TRA2B: variants seen among roughly 807,000 people sequenced by gnomAD.
The protein encoded by TRA2B is transformer-2 protein homolog beta.
A neutral mutation model predicts 41.7 loss-of-function variants in TRA2B; 14 were observed. That is an observed-to-expected ratio of 0.34 (90% CI 0.22 to 0.53). The LOEUF is 0.53. TRA2B is among the 20% of genes least tolerant of loss of function. TRA2B has a pLI of 0.95. For missense variants in TRA2B, 167 were observed against 396.8 expected, an observed-to-expected ratio of 0.42 and a Z score of 4.92; for synonymous variants, 130 against 128.8, an observed-to-expected ratio of 1.01 and a Z score of -0.06.
At chr3:185,917,823 T>C (rs1743558231) in intron 8 of TRA2B, 98 bp from the exon 9 acceptor site, 5 of 1,339,720 alleles carry the variant, frequency 3.7e-6, no homozygotes, top group Non-Finnish European at 5.3e-6. Context: ...CATTAAGAAA[T>C]TCCTATGTGC....
intron 1 of TRA2B, among the ~76,000 whole-genome samples, chr3:185,932,991 ATTGT>A (rs1442554687): frequency 2.6e-5 from 4 of 152,296 alleles, no homozygotes; most frequent in Non-Finnish European, 4.4e-5. Context: ...AGAGTCAATT[ATTGT>A]TTATTTAATC....
At position 185,915,184 on chromosome 3, in the gene TRA2B, C is replaced by T. The variant is rs1743459541; in HGVS notation, c.*2531G>A. ...AACCCCTGCTCCCAGGTCTACAAATCTTTTGACACAGCCTTATTTCCACTT... is the reference window on the plus strand; with the variant it reads ...AACCCCTGCTCCCAGGTCTACAAATTTTTTGACACAGCCTTATTTCCACTT... On this transcript the variant is annotated 3_prime_UTR_variant, in exon 9 of 9. Coordinates refer to ENST00000453386, the MANE Select transcript of TRA2B (RefSeq NM_004593.3). Among the ~76,000 whole-genome samples, 1 of 152,156 alleles carries T rather than the reference C, an allele frequency of 6.6e-6. No homozygotes were observed. Among genetic ancestry groups the T allele is most frequent in the Non-Finnish European group, 1.5e-5 (1 of 68,016 alleles).
chr3:185,918,899 G>A (rs947604676), intron 7 of TRA2B, among the ~76,000 whole-genome samples: 2 of 151,874 alleles, frequency 1.3e-5, no homozygotes, highest in African/African-American at 2.4e-5. Context: ...CCAGCTACTC[G>A]GGATGCAGAG....
Position 185,937,896 on chromosome 3 carries a change from A to G in TRA2B, c.-36T>C, listed in dbSNP as rs772674412. ...TGCTGTCGCCGGTCGATGTGCTTCA[A>G]TCGAAGCTGCCAACCTCTTGCACCT... is the stretch of plus-strand genomic sequence containing the variant. On this transcript the variant is annotated 5_prime_UTR_variant, in exon 1 of 9. Transcript: ENST00000453386. The G allele has an allele frequency of 6.2e-7, 1 of 1,613,164 alleles. No individual in the cohort carries two copies. Among genetic ancestry groups the G allele is most frequent in the South Asian group, 1.1e-5 (1 of 91,078 alleles).
chr3:185,917,896 T>C (rs539117570), intron 8 of TRA2B, among the ~76,000 whole-genome samples, 171 bp from the exon 9 acceptor site: 8 of 152,252 alleles, frequency 5.3e-5, no homozygotes, highest in Non-Finnish European at 7.4e-5. Flanking sequence ...AGAAATGAGA[T>C]AGCAATCTTA....
intron 1 of TRA2B, chr3:185,936,375 A>C: frequency 1.0e-6 from 1 of 985,342 alleles, no homozygotes; most frequent in Non-Finnish European, 1.2e-6. Context: ...AATCTAAAAC[A>C]CTCGTGACAT....
intron 1 of TRA2B, among the ~76,000 whole-genome samples, chr3:185,933,872 T>A (rs993129495): frequency 2.0e-5 from 3 of 152,132 alleles, no homozygotes; most frequent in Non-Finnish European, 4.4e-5. Flanking sequence ...TTTTGACTTT[T>A]CAGAAGACTA....
chr3:185,917,579 A>T lies in TRA2B; in HGVS notation c.*136T>A. 1.3e-6 allele frequency: 1 copy of T among 784,230 alleles called. No homozygotes were observed. Among genetic ancestry groups the T allele is most frequent in the Non-Finnish European group, 2.0e-6 (1 of 491,016 alleles). The allele number at this position is 784,230 out of a possible 1,614,324, so 48.6% of individuals were successfully genotyped here. Reference sequence around the variant, plus strand: ...GAAAACAGCATTTCAACTCCACCAAAAGTAGTCATCGTAAAAGGTGTAAAA... The same window carrying T: ...GAAAACAGCATTTCAACTCCACCAATAGTAGTCATCGTAAAAGGTGTAAAA... On this transcript the variant is annotated 3_prime_UTR_variant, in exon 9 of 9. Transcript: ENST00000453386.
chr3:185,929,865 T>C (rs1238337100), intron 1 of TRA2B, among the ~76,000 whole-genome samples: 6 of 152,182 alleles, frequency 3.9e-5, no homozygotes, highest in East Asian at 1.9e-4. Context: ...CTCATTTTTT[T>C]CCCTTGGCAA....
At chr3:185,937,491 A>T in intron 1 of TRA2B, 1 of 1,076,206 alleles carries the variant, frequency 9.3e-7, no homozygotes, top group South Asian at 4.0e-5. Context: ...CCTTCGCAGG[A>T]GAGCAACGCC....
intron 1 of TRA2B, chr3:185,934,899 T>C: frequency 1.0e-6 from 1 of 985,448 alleles, no homozygotes; most frequent in Non-Finnish European, 1.2e-6. Flanking sequence ...TATCAGAGTA[T>C]CTGCTGGGTC....
Position 185,918,309 on chromosome 3 carries a change from G to A in TRA2B, c.856+56C>T, listed in dbSNP as rs987196009. 15 of 1,280,312 alleles carry A rather than the reference G, an allele frequency of 1.2e-5. No individual in the cohort carries two copies. In the Admixed American group the frequency reaches 1.6e-4, roughly 13 times the overall value. 79.3% of individuals were successfully genotyped at this position (1,280,312 alleles called of 1,614,324 possible). Reference sequence around the variant, plus strand: ...CATTATCTGATAAAGGGAATACACTGTCATCAGAGCAAGCCATACTACAAT... The same window carrying A: ...CATTATCTGATAAAGGGAATACACTATCATCAGAGCAAGCCATACTACAAT... On this transcript the variant is annotated intron_variant, in intron 8 of 8. Coordinates refer to ENST00000453386, the MANE Select transcript of TRA2B (RefSeq NM_004593.3).
At chr3:185,919,379 A>G in intron 7 of TRA2B, 58 bp downstream of exon 7, 1 of 1,436,156 alleles carries the variant, frequency 7.0e-7, no homozygotes, top group South Asian at 1.3e-5. Flanking sequence ...TACTAGGCAA[A>G]CATCTTTATG....
intron 1 of TRA2B, chr3:185,937,494 G>A (rs1744410880): frequency 5.6e-6 from 6 of 1,077,410 alleles, no homozygotes; most frequent in African/African-American, 1.6e-5. Flanking sequence ...TCGCAGGAGA[G>A]CAACGCCGAA....
intron 4 of TRA2B, 91 bp downstream of exon 4, chr3:185,923,705 T>C: frequency 8.0e-7 from 1 of 1,249,136 alleles, no homozygotes; most frequent in Non-Finnish European, 1.1e-6. Context: ...TATTACTGAC[T>C]TGTCCTTGTC....
At chr3:185,933,706 C>A (rs574283754) in intron 1 of TRA2B, among the ~76,000 whole-genome samples, 1 of 152,062 alleles carries the variant, frequency 6.6e-6, no homozygotes, top group African/African-American at 2.4e-5. Flanking sequence ...ATAAGTAAAT[C>A]CTCAAAAACT....
At position 185,915,525 on chromosome 3, in the gene TRA2B, T is replaced by C. The variant is rs1174340554; in HGVS notation, c.*2190A>G. Among the ~76,000 whole-genome samples, 1 of 152,234 alleles carries C rather than the reference T, an allele frequency of 6.6e-6. No individual in the cohort carries two copies. ...AACTGGCGACTAGCATTACAGCACATCAAAAGACTACCACTTTGTCTCACT... is the reference window on the plus strand; with the variant it reads ...AACTGGCGACTAGCATTACAGCACACCAAAAGACTACCACTTTGTCTCACT... On this transcript the variant is annotated 3_prime_UTR_variant, in exon 9 of 9. Transcript: ENST00000453386.
chr3:185,924,659 T>C (rs1291187710), intron 3 of TRA2B: 2 of 152,290 alleles, frequency 1.3e-5, no homozygotes, highest in Non-Finnish European at 2.9e-5. Context: ...TACAAAAATA[T>C]AACAAATTAC....
intron 1 of TRA2B, among the ~76,000 whole-genome samples, chr3:185,933,304 T>TA (rs1560014944): frequency 6.6e-6 from 1 of 152,186 alleles, no homozygotes. Flanking sequence ...TCTTATAGTC[T>TA]AAGAACAAAA....
Sources: gnomAD v4.1 joint callset for allele counts (sites outside exome capture counted in the v4.1 genomes callset) on GRCh38, gnomAD v4.1.1 for gene constraint, MANE v1.5 for transcripts, NCBI Gene and HGNC (gene_info 2026-07-23, HGNC 2026-07-21) for gene names.